Variants in IFT56 observed in about 807,000 individuals in gnomAD.
IFT56 encodes intraflagellar transport protein 56.
the IFT56 span, among the ~76,000 whole-genome samples, chr7:139,151,870 T>C: frequency 5.3e-5 from 8 of 152,300 alleles, no homozygotes; most frequent in African/African-American, 1.9e-4. Flanking sequence ...GAGACCAGCC[T>C]GACCAACATG....
chr7:139,170,950 C>G, the IFT56 span, among the ~76,000 whole-genome samples: 1 of 152,122 alleles, frequency 6.6e-6, no homozygotes, highest in Non-Finnish European at 1.5e-5. Context: ...TTTGGAAAAA[C>G]CTAAAAACTC....
At chr7:139,163,353 A>T in the IFT56 span, among the ~76,000 whole-genome samples, 1 of 152,032 alleles carries the variant, frequency 6.6e-6, no homozygotes. Flanking sequence ...AAAAAAAAAA[A>T]AAGAAAAAAA....
chr7:139,188,194 G>A, the IFT56 span, among the ~76,000 whole-genome samples: 19 of 150,326 alleles, frequency 1.3e-4, no homozygotes, highest in African/African-American at 2.7e-4. Context: ...TCTGCCTCCC[G>A]GGTTCAAGTG....
chr7:139,176,618 T>C, the IFT56 span, among the ~76,000 whole-genome samples: 8 of 152,308 alleles, frequency 5.3e-5, 2 homozygotes, highest in African/African-American at 1.9e-4. Context: ...CATGAACCAA[T>C]ATGGTGCTGC....
At chr7:139,170,032 A>G in the IFT56 span, among the ~76,000 whole-genome samples, 1 of 152,210 alleles carries the variant, frequency 6.6e-6, no homozygotes, top group African/African-American at 2.4e-5. Context: ...TATACACCAT[A>G]CAACCAATAC....
the IFT56 span, among the ~76,000 whole-genome samples, chr7:139,135,107 C>T: frequency 6.6e-6 from 1 of 151,968 alleles, no homozygotes; most frequent in Non-Finnish European, 1.5e-5. Flanking sequence ...GGTGAAACCC[C>T]GTCTCTATTG....
the IFT56 span, among the ~76,000 whole-genome samples, chr7:139,170,700 C>A: frequency 6.6e-6 from 1 of 152,084 alleles, no homozygotes; most frequent in Admixed American, 6.5e-5. Context: ...ATGGAACATA[C>A]CTCAAAACAA....
chr7:139,159,384 A>T, the IFT56 span, among the ~76,000 whole-genome samples: 1 of 151,982 alleles, frequency 6.6e-6, no homozygotes, highest in South Asian at 2.1e-4. Flanking sequence ...CTTTTCAAAA[A>T]CCAACTTTTG....
the IFT56 span, among the ~76,000 whole-genome samples, chr7:139,157,099 G>A: frequency 2.7e-5 from 4 of 146,224 alleles, no homozygotes; most frequent in East Asian, 8.1e-4. Flanking sequence ...TTAAAACCAT[G>A]AATATGGTAT....
chr7:139,182,611 G>C, the IFT56 span, among the ~76,000 whole-genome samples: 1 of 152,156 alleles, frequency 6.6e-6, no homozygotes, highest in Non-Finnish European at 1.5e-5. Context: ...TGTAGATTTA[G>C]AAGTTAACCG....
the IFT56 span, among the ~76,000 whole-genome samples, chr7:139,185,292 C>A: frequency 2.6e-5 from 4 of 152,006 alleles, no homozygotes; most frequent in Non-Finnish European, 4.4e-5. Flanking sequence ...CCATCATCAA[C>A]ATACACGGTA....
the IFT56 span, among the ~76,000 whole-genome samples, chr7:139,184,263 G>A: frequency 1.3e-5 from 2 of 152,106 alleles, no homozygotes; most frequent in South Asian, 2.1e-4. Flanking sequence ...GTAAGAAAAC[G>A]TTTCATATCC....
the IFT56 span, among the ~76,000 whole-genome samples, chr7:139,174,735 C>A: frequency 4.6e-5 from 7 of 152,162 alleles, no homozygotes; most frequent in African/African-American, 1.7e-4. Context: ...AGGAGACATA[C>A]AAGGCCCGGG....
At chr7:139,172,909 T>C in the IFT56 span, 1 of 712,510 alleles carries the variant, frequency 1.4e-6, no homozygotes, top group East Asian at 2.8e-5. Flanking sequence ...GGGTGTCTTC[T>C]TTTCCAGGTG....
chr7:139,169,641 T>G, the IFT56 span, among the ~76,000 whole-genome samples: 71 of 152,360 alleles, frequency 4.7e-4, 1 homozygote, highest in Non-Finnish European at 1.2e-4. Flanking sequence ...AGAGCTCTTT[T>G]GAGCATTAAC....
chr7:139,140,011 G>A, the IFT56 span: 3 of 1,547,522 alleles, frequency 1.9e-6, no homozygotes, highest in Admixed American at 5.3e-5. Flanking sequence ...AAAGGTAAAG[G>A]GGCTCTTATA....
At chr7:139,134,541 T>A in the IFT56 span, 3 of 1,210,886 alleles carry the variant, frequency 2.5e-6, no homozygotes, top group Non-Finnish European at 3.3e-6. Flanking sequence ...GTGCTGGGAT[T>A]ACAGGCATGA....
the IFT56 span, among the ~76,000 whole-genome samples, chr7:139,155,469 G>A: frequency 6.6e-6 from 1 of 152,046 alleles, no homozygotes; most frequent in Admixed American, 6.5e-5. Flanking sequence ...TTTCCAGGTG[G>A]GGGAACTTCC....
chr7:139,170,925 T>A, the IFT56 span, among the ~76,000 whole-genome samples: 1 of 152,322 alleles, frequency 6.6e-6, no homozygotes. Flanking sequence ...TGTTTGCAGA[T>A]GATATGATCT....
Sources: allele counts gnomAD v4.1 joint callset (sites outside exome capture counted in the v4.1 genomes callset), GRCh38; gene constraint gnomAD v4.1.1; transcripts MANE v1.5; gene names NCBI Gene and HGNC (gene_info 2026-07-23, HGNC 2026-07-21).